RASSF5: variants seen among roughly 807,000 people sequenced by gnomAD.
RASSF5 encodes ras association domain-containing protein 5.
Under a neutral mutation model 40.5 loss-of-function variants are expected in RASSF5, and 25 were observed. The observed-to-expected ratio is 0.62, with a 90% confidence interval of 0.45 to 0.86. RASSF5 has a LOEUF of 0.86. Ranked by LOEUF, RASSF5 falls within the 40% of genes least tolerant of loss-of-function variation. The pLI is 0.00. For missense variants in RASSF5, 521 were observed against 572.8 expected (o/e 0.91, Z 0.92); for synonymous variants, 246 against 252.4 (o/e 0.97, Z 0.24).
At position 206,524,027 on chromosome 1, in the gene RASSF5, AC is replaced by A. The variant is rs554226830; in HGVS notation, c.458-14143del. 5.7e-3 allele frequency among the ~76,000 whole-genome samples: 692 copies of A among 121,450 alleles called. 10 individuals carry two copies. Among genetic ancestry groups the A allele is most frequent in the African/African-American group, 0.021 (663 of 30,854 alleles). The allele number at this position is 121,450 out of a possible 152,430, so 79.7% of individuals were successfully genotyped here. On this transcript the variant is annotated intron_variant, in intron 1 of 5. Coordinates refer to ENST00000579436, the MANE Select transcript of RASSF5 (RefSeq NM_182663.4). The stretch of plus-strand genomic sequence containing the variant: ...AGTATATTTTATATATAATAGGTAT[AC>A]CATATATAATATATTTTATATATAA...
Position 206,587,047 on chromosome 1 carries a change from G to A in RASSF5, c.*69G>A. 2 of 1,572,220 alleles carry A rather than the reference G, an allele frequency of 1.3e-6. No homozygotes were observed. Among genetic ancestry groups the A allele is most frequent in the Non-Finnish European group, 1.7e-6 (2 of 1,155,338 alleles). ...TATTATTAATTATTATTTTGCAACA[G>A]ACACTTTTTCTCAGGACATCTCTGG... On this transcript the variant is annotated 3_prime_UTR_variant, in exon 6 of 6. Transcript: ENST00000579436.
In RASSF5 at chr1:206,575,084, T is replaced by C. The variant is rs560315521; in HGVS notation, c.580-8185T>C. 1.5e-4 allele frequency among the ~76,000 whole-genome samples: 23 copies of C among 152,174 alleles called. No individual in the cohort carries two copies. The East Asian group carries it at 2.7e-3, about 18-fold the overall frequency. ...TTTCATTATGTTGCCCAGGCTGGTC[T>C]TGAACTCCTAACCTCACCTTTGAAT... On this transcript the variant is annotated intron_variant, in intron 2 of 5. Transcript: ENST00000579436.
intron 2 of RASSF5, among the ~76,000 whole-genome samples, chr1:206,540,663 CT>C (rs1667523105): frequency 6.6e-6 from 1 of 152,222 alleles, no homozygotes; most frequent in Non-Finnish European, 1.5e-5. Flanking sequence ...CCACTTGCCT[CT>C]TCTAAAAAGC....
At chr1:206,538,318 A>C in intron 2 of RASSF5, 25 bp downstream of exon 2, 1 of 1,611,716 alleles carries the variant, frequency 6.2e-7, no homozygotes, top group East Asian at 2.2e-5. Flanking sequence ...TCTCGTACCA[A>C]GCTGGGAACA....
Position 206,588,442 on chromosome 1 carries a change from G to A in RASSF5, c.*1464G>A, listed in dbSNP as rs1572380536. On this transcript the variant is annotated 3_prime_UTR_variant, in exon 6 of 6. Transcript: ENST00000579436. ...TCCAACAAGTAGCCAGGACTGCAGA[G>A]ACACTCCAGTGCAGAGGGAGAAGGA... The A allele has an allele frequency of 6.6e-6, 1 of 152,340 alleles. No homozygotes were observed. The highest frequency in any genetic ancestry group is 2.1e-4 in the South Asian group (1 of 4,836). The allele number at this position is 152,340 out of a possible 1,614,324, so 9.4% of individuals were successfully genotyped here.
intron 2 of RASSF5, among the ~76,000 whole-genome samples, chr1:206,582,040 T>C (rs1371799610): frequency 6.6e-6 from 1 of 152,128 alleles, no homozygotes; most frequent in Non-Finnish European, 1.5e-5. Context: ...AGAATCCTGA[T>C]CCACCCCAAG....
rs543441644 is a variant in RASSF5 at position 206,557,324 on chromosome 1, C to T, written c.579+19031C>T. ...AGGCGCGAGCCGGGCGCCCGGGGCT[C>T]TGCAGGCGCAGGCGGCGCGGGGACA... On this transcript the variant is annotated intron_variant, in intron 2 of 5. Transcript: ENST00000579436. 35 of 1,273,172 alleles carry T rather than the reference C, an allele frequency of 2.7e-5. No homozygotes were observed. In the African/African-American group the frequency reaches 5.3e-4, roughly 19 times the overall value. 78.9% of individuals were successfully genotyped at this position (1,273,172 alleles called of 1,614,324 possible).
intron 1 of RASSF5, among the ~76,000 whole-genome samples, chr1:206,536,204 T>C (rs1394593844): frequency 6.6e-6 from 1 of 152,162 alleles, no homozygotes; most frequent in Non-Finnish European, 1.5e-5. Flanking sequence ...CAGAAATGCA[T>C]GTGGGTGCCT....
intron 1 of RASSF5, chr1:206,518,628 T>G (rs1666825387): frequency 5.0e-6 from 2 of 396,482 alleles, no homozygotes; most frequent in Non-Finnish European, 8.9e-6. Context: ...GAGTACAGGA[T>G]CTTTCTGGCA....
intron 2 of RASSF5, among the ~76,000 whole-genome samples, chr1:206,565,752 A>G (rs1668272269): frequency 6.6e-6 from 1 of 152,166 alleles, no homozygotes; most frequent in African/African-American, 2.4e-5. Flanking sequence ...TGACTCCTAG[A>G]ATCAAAGGGT....
intron 2 of RASSF5, among the ~76,000 whole-genome samples, chr1:206,569,193 C>T (rs185396875): frequency 7.9e-4 from 121 of 152,336 alleles, no homozygotes; most frequent in African/African-American, 2.7e-3. Context: ...CGTGTATTCG[C>T]GGGAGCCTTC....
chr1:206,577,552 T>C (rs1303772304), intron 2 of RASSF5, among the ~76,000 whole-genome samples: 2 of 152,208 alleles, frequency 1.3e-5, no homozygotes, highest in East Asian at 1.9e-4. Context: ...CTCAAGATCA[T>C]GTAGTTAGTC....
chr1:206,575,398 C>T (rs782004698), intron 2 of RASSF5, among the ~76,000 whole-genome samples: 1 of 152,104 alleles, frequency 6.6e-6, no homozygotes, highest in Non-Finnish European at 1.5e-5. Flanking sequence ...GAATGGCTTC[C>T]GGGGTATTTT....
chr1:206,540,963 A>G (rs1667532078), intron 2 of RASSF5, among the ~76,000 whole-genome samples: 1 of 152,020 alleles, frequency 6.6e-6, no homozygotes, highest in African/African-American at 2.4e-5. Flanking sequence ...GCATGATCTC[A>G]GCTCACTGCA....
chr1:206,582,655 A>G (rs1668940146), intron 2 of RASSF5, among the ~76,000 whole-genome samples: 1 of 152,202 alleles, frequency 6.6e-6, no homozygotes, highest in Non-Finnish European at 1.5e-5. Context: ...TCACTCGTTC[A>G]TTTGACAAAT....
In RASSF5 at chr1:206,588,696, G is replaced by T. The variant is rs1669233225; in HGVS notation, c.*1718G>T. ...TGTGCATAGTCTCCAGAGCTTCAAAGGCAACACAAGCTCGCAACTCTAAGA... is the reference window on the plus strand; with the variant it reads ...TGTGCATAGTCTCCAGAGCTTCAAATGCAACACAAGCTCGCAACTCTAAGA... On this transcript the variant is annotated 3_prime_UTR_variant, in exon 6 of 6. Coordinates refer to ENST00000579436, the MANE Select transcript of RASSF5 (RefSeq NM_182663.4). 6.6e-6 allele frequency: 1 copy of T among 152,530 alleles called. No homozygotes were observed. The highest frequency in any genetic ancestry group is 2.1e-4 in the South Asian group (1 of 4,820). 9.4% of individuals were successfully genotyped at this position (152,530 alleles called of 1,614,324 possible).
At chr1:206,524,804 G>A (rs868931701) in intron 1 of RASSF5, among the ~76,000 whole-genome samples, 2 of 149,644 alleles carry the variant, frequency 1.3e-5, no homozygotes, top group African/African-American at 2.5e-5. Flanking sequence ...GTTGAAGCAC[G>A]GATTGCTAAA....
chr1:206,582,014 C>T (rs1304578505), intron 2 of RASSF5, among the ~76,000 whole-genome samples: 2 of 152,280 alleles, frequency 1.3e-5, no homozygotes, highest in East Asian at 3.9e-4. Context: ...GCCTCAGTTT[C>T]CTCATTTACC....
Position 206,570,187 on chromosome 1 carries a change from G to A in RASSF5, c.580-13082G>A, listed in dbSNP as rs531985770. Among the ~76,000 whole-genome samples, 4 of 147,234 alleles carry A rather than the reference G, an allele frequency of 2.7e-5. No homozygotes were observed. In the South Asian group the frequency reaches 8.6e-4, roughly 31 times the overall value. On this transcript the variant is annotated intron_variant, in intron 2 of 5. Transcript: ENST00000579436. ...GCTCACTGTAACCTCTGCCTCCCAGGTTCAAGTGATTCTCCTGCCTCAGCC... is the reference window on the plus strand; with the variant it reads ...GCTCACTGTAACCTCTGCCTCCCAGATTCAAGTGATTCTCCTGCCTCAGCC...
Sources: gnomAD v4.1 joint callset for allele counts (sites outside exome capture counted in the v4.1 genomes callset) on GRCh38, gnomAD v4.1.1 for gene constraint, MANE v1.5 for transcripts, NCBI Gene and HGNC (gene_info 2026-07-23, HGNC 2026-07-21) for gene names.